SPTLC3: variants seen among roughly 807,000 people sequenced by gnomAD.
The protein encoded by SPTLC3 is serine palmitoyltransferase long chain base subunit 3.
In SPTLC3, 36 loss-of-function variants were observed where a neutral mutation model predicts 59.3. The ratio of observed to expected loss-of-function variants is 0.61; its 90% CI spans 0.47 to 0.80. The LOEUF (loss-of-function observed/expected upper bound fraction) is 0.80, where lower values mean the gene tolerates loss of function less well. Ranked by LOEUF, SPTLC3 falls within the 30% of genes least tolerant of loss-of-function variation. SPTLC3 has a pLI of 0.00. For synonymous variants in SPTLC3, 257 were observed against 240.8 expected (o/e 1.07, Z -0.62); for missense variants, 625 against 685.1 (o/e 0.91, Z 0.98).
At chr20:13,085,853 A>G (rs17190880) in intron 4 of SPTLC3, among the ~76,000 whole-genome samples, 41,831 of 152,064 alleles carry the variant, frequency 0.28, 5,911 homozygotes, top group Middle Eastern at 0.36. Context: ...CCACTTAGAG[A>G]GCTGACAAGA....
chr20:13,054,798 T>A (rs1987648704), intron 2 of SPTLC3, among the ~76,000 whole-genome samples: 1 of 152,178 alleles, frequency 6.6e-6, no homozygotes, highest in Non-Finnish European at 1.5e-5. Context: ...CTTCAGTTTA[T>A]CTTCAGCATG....
At chr20:13,122,135 C>T (rs752122925) in intron 8 of SPTLC3, among the ~76,000 whole-genome samples, 18 of 152,168 alleles carry the variant, frequency 1.2e-4, no homozygotes, top group Non-Finnish European at 2.4e-4. Flanking sequence ...CTCTAAAACC[C>T]GTCTGTTTTC....
At chr20:13,143,507 A>T (rs1418066981) in intron 9 of SPTLC3, among the ~76,000 whole-genome samples, 2 of 152,198 alleles carry the variant, frequency 1.3e-5, no homozygotes, top group African/African-American at 4.8e-5. Context: ...AAGAGGAAGT[A>T]CCTTGCCCAA....
chr20:13,122,488 G>A (rs1209078269), intron 8 of SPTLC3, among the ~76,000 whole-genome samples: 2 of 152,186 alleles, frequency 1.3e-5, no homozygotes, highest in South Asian at 2.1e-4. Flanking sequence ...TGGAGAAGTC[G>A]AGTGTGGCCT....
chr20:13,095,468 C>T (rs999471523), intron 6 of SPTLC3, among the ~76,000 whole-genome samples: 4 of 152,056 alleles, frequency 2.6e-5, no homozygotes, highest in African/African-American at 9.7e-5. Context: ...CAACTCAGTC[C>T]AAATATCTGT....
intron 2 of SPTLC3, among the ~76,000 whole-genome samples, chr20:13,054,320 G>A (rs1987626776): frequency 6.6e-6 from 1 of 152,156 alleles, no homozygotes; most frequent in African/African-American, 2.4e-5. Flanking sequence ...GGAAAGTATT[G>A]AAGGACTTCA....
chr20:13,164,329 C>T (rs781097429), intron 11 of SPTLC3: 5 of 471,532 alleles, frequency 1.1e-5, no homozygotes, highest in African/African-American at 2.0e-5. Context: ...AATCAGCTCC[C>T]GCAACATTCC....
chr20:13,013,678 A>T (rs1985371619), intron 1 of SPTLC3, among the ~76,000 whole-genome samples: 1 of 152,222 alleles, frequency 6.6e-6, no homozygotes, highest in African/African-American at 2.4e-5. Context: ...ATTAAGATGA[A>T]AATATTCTCC....
intron 2 of SPTLC3, among the ~76,000 whole-genome samples, chr20:13,058,144 TCAG>T (rs59695175): frequency 0.22 from 33,076 of 151,996 alleles, 3,766 homozygotes; most frequent in African/African-American, 0.29. Flanking sequence ...CAAAGTGGGT[TCAG>T]CAAGCTGCAG....
intron 2 of SPTLC3, 63 bp downstream of exon 2, chr20:13,049,193 A>C (rs1987366222): frequency 6.4e-7 from 1 of 1,569,452 alleles, no homozygotes; most frequent in African/African-American, 1.3e-5. Context: ...TGTTCTCAGA[A>C]GTGGTGATGC....
At chr20:13,117,449 G>C in intron 7 of SPTLC3, 57 bp from the exon 8 acceptor site, 2 of 1,475,840 alleles carry the variant, frequency 1.4e-6, no homozygotes, top group Non-Finnish European at 1.8e-6. Flanking sequence ...TGGGGAAACT[G>C]ACAGAGCTTC....
At chr20:13,010,628 G>C (rs1985191740) in intron 1 of SPTLC3, among the ~76,000 whole-genome samples, 1 of 152,168 alleles carries the variant, frequency 6.6e-6, no homozygotes, top group Admixed American at 6.5e-5. Flanking sequence ...CTCAACTCCT[G>C]TCAGTTGTAT....
At chr20:13,030,367 T>A (rs1361389338) in intron 1 of SPTLC3, among the ~76,000 whole-genome samples, 1 of 152,208 alleles carries the variant, frequency 6.6e-6, no homozygotes, top group Non-Finnish European at 1.5e-5. Flanking sequence ...AAAGAGATTT[T>A]AAAATGACTA....
chr20:13,120,499 G>C (rs1441079260), intron 8 of SPTLC3, among the ~76,000 whole-genome samples: 2 of 152,070 alleles, frequency 1.3e-5, no homozygotes, highest in Non-Finnish European at 2.9e-5. Context: ...CTAGAAAAAA[G>C]AGATAAAAAC....
intron 7 of SPTLC3, among the ~76,000 whole-genome samples, chr20:13,110,851 A>G (rs1990192469): frequency 6.6e-6 from 1 of 152,124 alleles, no homozygotes; most frequent in African/African-American, 2.4e-5. Flanking sequence ...ATTGAGGGGG[A>G]TATCTCCTAT....
intron 6 of SPTLC3, among the ~76,000 whole-genome samples, chr20:13,106,375 G>T (rs1568604113): frequency 6.6e-6 from 1 of 152,116 alleles, no homozygotes; most frequent in Non-Finnish European, 1.5e-5. Context: ...AACGAACATC[G>T]CGATGAGTGC....
At chr20:13,150,019 C>A (rs570194721) in intron 9 of SPTLC3, among the ~76,000 whole-genome samples, 1 of 152,124 alleles carries the variant, frequency 6.6e-6, no homozygotes, top group African/African-American at 2.4e-5. Context: ...GCTAATGATC[C>A]GCAAAAGTGC....
At chr20:13,044,659 C>T (rs577169588) in intron 1 of SPTLC3, among the ~76,000 whole-genome samples, 14 of 152,206 alleles carry the variant, frequency 9.2e-5, no homozygotes, top group Admixed American at 3.9e-4. Flanking sequence ...TAACAAAAAT[C>T]GTAACATTTA....
intron 4 of SPTLC3, among the ~76,000 whole-genome samples, chr20:13,088,919 C>A (rs897374997): frequency 6.6e-6 from 1 of 151,856 alleles, no homozygotes; most frequent in Admixed American, 6.6e-5. Flanking sequence ...GCGTGGGCCA[C>A]GCGCCCAGCC....
Sources: allele counts gnomAD v4.1 joint callset (sites outside exome capture counted in the v4.1 genomes callset), GRCh38; gene constraint gnomAD v4.1.1; transcripts MANE v1.5; gene names NCBI Gene and HGNC (gene_info 2026-07-23, HGNC 2026-07-21).